The following SACS variants were observed in gnomAD, a reference collection of about 807,000 sequenced individuals.
SACS encodes sacsin molecular chaperone, also known as sacsin.
Under a neutral mutation model 348.0 loss-of-function variants are expected in SACS, and 197 were observed. That is an observed-to-expected ratio of 0.57 (90% CI 0.50 to 0.64). The LOEUF is 0.64. Among genes scored for constraint, SACS ranks in the 30% least tolerant of loss-of-function variants. The pLI, the probability that SACS is intolerant of heterozygous loss-of-function variation, is 0.00. For synonymous variants in SACS, 1,985 were observed against 1,910.6 expected (o/e 1.04, Z -1.02); for missense variants, 4,999 against 5,360.8 (o/e 0.93, Z 2.11).
chr13:23,338,160 C>G lies in SACS; in HGVS notation c.5716G>C (p.Gly1906Arg). 1 of 1,614,128 alleles carries G rather than the reference C, an allele frequency of 6.2e-7. No individual in the cohort carries two copies. The highest frequency in any genetic ancestry group is 8.5e-7 in the Non-Finnish European group (1 of 1,180,002). ...CTCATGAACGTGGTATTCCATCGTC[C>G]TTTTGTATCTGTTTTCCAGATTTCT... ...RKEIWKTDTK[G>R]RWNTTFMRHV... is the part of the protein sequence containing the mutation. The change falls in exon 10 of 10, where the codon GGA becomes CGA. Residue 1906 changes from glycine (G) to arginine (R), a missense_variant. By Grantham distance (125) the Gly-to-Arg change is moderately radical. This residue lies in a region of SACS where 3,156 missense variants were observed against 3,380.1 expected (regional missense o/e 0.93). Coordinates refer to ENST00000382292, the MANE Select transcript of SACS (RefSeq NM_014363.6).
intron 2 of SACS, among the ~76,000 whole-genome samples, chr13:23,395,017 G>C (rs1872656769): frequency 6.6e-6 from 1 of 152,164 alleles, no homozygotes; most frequent in Non-Finnish European, 1.5e-5. Context: ...CAGTGCTCCA[G>C]GTAAAGACAG....
intron 1 of SACS, chr13:23,428,755 A>G (rs1239169255): frequency 6.6e-6 from 1 of 152,222 alleles, no homozygotes; most frequent in African/African-American, 2.4e-5. Flanking sequence ...TCTGTGTCAT[A>G]CAAATCTTTC....
chr13:23,414,610 G>C (rs958764930), intron 1 of SACS, among the ~76,000 whole-genome samples: 5 of 152,156 alleles, frequency 3.3e-5, no homozygotes, highest in African/African-American at 1.2e-4. Context: ...CATATCACCA[G>C]GCGTGTTTGA....
In SACS at chr13:23,336,348, C is replaced by T. The variant is rs111920492; in HGVS notation, c.7528G>A (p.Ala2510Thr). 2.0e-3 allele frequency: 3,204 copies of T among 1,614,096 alleles called. 4 individuals are homozygous for T. The highest frequency in any genetic ancestry group is 2.5e-3 in the Non-Finnish European group (2,932 of 1,179,952). The change falls in exon 10 of 10, where the codon GCA (alanine) becomes ACA (threonine). Residue 2510 changes from alanine (A) to threonine (T), a missense_variant. Physicochemically the swap from Ala to Thr is moderately conservative, Grantham distance 58. Around this residue, in one of 6 missense-constraint regions of SACS, gnomAD observed 3,156 missense variants for 3,380.1 expected, o/e 0.93. Coordinates refer to ENST00000382292, the MANE Select transcript of SACS (RefSeq NM_014363.6). ...AGTGTTGTAAAACAGACATTGGATGCATATCTTTCTAAGGCTTTGTGTCGC... is the reference window on the plus strand; with the variant it reads ...AGTGTTGTAAAACAGACATTGGATGTATATCTTTCTAAGGCTTTGTGTCGC... The part of the protein sequence containing the change: ...PKRHKALERY[A>T]SNVCFTTLGT...
Position 23,390,028 on chromosome 13 carries a change from G to GTT in SACS, c.21-14761_21-14760dup, listed in dbSNP as rs34887662. 4.0e-5 allele frequency among the ~76,000 whole-genome samples: 6 copies of GTT among 151,718 alleles called. No homozygotes were observed. In the South Asian group the frequency reaches 8.3e-4, roughly 21 times the overall value. The stretch of plus-strand genomic sequence containing the variant: ...TTTCTACAAATTTTCAATGGATTTG[G>GTT]TTTTTTTTCTATTCACTCTACAAGG... On this transcript the variant is annotated intron_variant, in intron 2 of 9. Transcript: ENST00000382292.
At chr13:23,365,860 G>A (rs770919414) in intron 5 of SACS, among the ~76,000 whole-genome samples, 5 of 152,122 alleles carry the variant, frequency 3.3e-5, no homozygotes, top group Non-Finnish European at 7.4e-5. Flanking sequence ...CTTTCATCAA[G>A]AAGAAAGCAC....
At chr13:23,415,102 G>T (rs773522011) in intron 1 of SACS, among the ~76,000 whole-genome samples, 2 of 151,984 alleles carry the variant, frequency 1.3e-5, no homozygotes, top group Non-Finnish European at 2.9e-5. Flanking sequence ...CACTATCTTG[G>T]CTCACTGCAA....
intron 1 of SACS, among the ~76,000 whole-genome samples, chr13:23,412,722 T>C (rs1020969869): frequency 6.6e-6 from 1 of 152,024 alleles, no homozygotes; most frequent in East Asian, 1.9e-4. Context: ...GACCCAAACC[T>C]ACAACTTTAT....
At chr13:23,413,497 T>C (rs1183205060) in intron 1 of SACS, among the ~76,000 whole-genome samples, 1 of 152,162 alleles carries the variant, frequency 6.6e-6, no homozygotes, top group Non-Finnish European at 1.5e-5. Context: ...CAGGAGGGGA[T>C]GGACTGGAAA....
At chr13:23,408,342 T>TG (rs1192214927) in intron 2 of SACS, among the ~76,000 whole-genome samples, 2 of 152,196 alleles carry the variant, frequency 1.3e-5, no homozygotes, top group Admixed American at 1.3e-4. Context: ...TAACATATTC[T>TG]GAGGCTCCAA....
At chr13:23,429,345 A>AATT (rs1874330416) in intron 1 of SACS, among the ~76,000 whole-genome samples, 1 of 51,466 alleles carries the variant, frequency 1.9e-5, no homozygotes, top group Non-Finnish European at 3.5e-5. Flanking sequence ...TGAGGTAGGG[A>AATT]TTTTTTTTTT....
intron 2 of SACS, among the ~76,000 whole-genome samples, chr13:23,386,683 C>A (rs186722752): frequency 2.7e-4 from 41 of 152,330 alleles, no homozygotes; most frequent in African/African-American, 9.6e-4. Flanking sequence ...TCACAAGAGG[C>A]CTGGCTTTCC....
rs1164280218 is a variant in SACS at position 23,355,925 on chromosome 13, T to C, written c.687A>G (p.Gln229=). ...TGCTGTCATCTTTGAGATTCCAACA[T>C]TGGCCTGATTCATGTGGGCCAAAAA... ...QTLFGPHESG[Q]CWNLKDDSKE... is the part of the protein sequence containing the mutation. The change falls in exon 8 of 10, where the codon CAA becomes CAG. Residue 229 remains glutamine (Q), a synonymous_variant. Transcript: ENST00000382292. 3 of 1,614,158 alleles carry C rather than the reference T, an allele frequency of 1.9e-6. No homozygotes were observed. The highest frequency in any genetic ancestry group is 1.1e-5 in the South Asian group (1 of 91,084).
At chr13:23,412,941 G>C (rs1441708254) in intron 1 of SACS, among the ~76,000 whole-genome samples, 1 of 152,100 alleles carries the variant, frequency 6.6e-6, no homozygotes, top group East Asian at 1.9e-4. Flanking sequence ...GGCACAATCT[G>C]GGCTAACCCA....
At chr13:23,353,956 G>A in intron 8 of SACS, 80 bp from the exon 9 acceptor site, 1 of 867,288 alleles carries the variant, frequency 1.2e-6, no homozygotes, top group Non-Finnish European at 2.0e-6. Context: ...ATATTTTCAA[G>A]TCAGTTAAGC....
intron 2 of SACS, among the ~76,000 whole-genome samples, chr13:23,392,151 T>C (rs1872551772): frequency 6.6e-6 from 1 of 152,200 alleles, no homozygotes; most frequent in Non-Finnish European, 1.5e-5. Flanking sequence ...TGTTGCCTTT[T>C]GATGACTCTT....
rs775499956 is a variant in SACS, at chr13:23,338,082, C to T, written c.5794G>A (p.Ala1932Thr). Reference sequence around the variant, plus strand: ...TAATCCATTAGCTCCCCACTAGTGGCCAGGTCCCGTAAGACACTCAGTACC... The same window carrying T: ...TAATCCATTAGCTCCCCACTAGTGGTCAGGTCCCGTAAGACACTCAGTACC... ...LQVLSVLRDL[A>T]TSGELMDYTY... The change falls in exon 10 of 10, where the codon GCC (alanine) becomes ACC (threonine). Residue 1932 changes from alanine (A) to threonine (T), a missense_variant. Around this residue, in one of 6 missense-constraint regions of SACS, gnomAD observed 3,156 missense variants for 3,380.1 expected, o/e 0.93. Transcript: ENST00000382292. 8.1e-6 allele frequency: 13 copies of T among 1,613,944 alleles called. No homozygotes were observed. Among genetic ancestry groups the T allele is most frequent in the Middle Eastern group, 1.6e-4 (1 of 6,062 alleles).
Position 23,330,466 on chromosome 13 carries a change from A to G in SACS, c.13410T>C (p.Asn4470=). Residue 4470 remains asparagine, a synonymous_variant, in exon 10 of 10, where the codon AAT becomes AAC. Transcript: ENST00000382292. ...GGTAACATTTAAAGCACACCCACTC[A>G]TTGGCATTTTTATGAAGGTCATTCC... ...AARNDLHKNA[N]EWVCFKCYLS... The G allele has an allele frequency of 1.2e-6, 2 of 1,614,194 alleles. No individual in the cohort carries two copies. The highest frequency in any genetic ancestry group is 2.2e-5 in the East Asian group (1 of 44,890).
At position 23,329,855 on chromosome 13, in the gene SACS, G is replaced by A; in HGVS notation, c.*281C>T. On this transcript the variant is annotated 3_prime_UTR_variant, in exon 10 of 10. Transcript: ENST00000382292. ...AGACTCTTATCTAACAAACTGCTAA[G>A]CTTTGGTTATATAAAGTGCAGTTCA... The A allele has an allele frequency of 3.9e-6, 2 of 511,160 alleles. No homozygotes were observed. 31.7% of individuals were successfully genotyped at this position (511,160 alleles called of 1,614,324 possible).
Sources: allele counts gnomAD v4.1 joint callset (sites outside exome capture counted in the v4.1 genomes callset), GRCh38; gene constraint gnomAD v4.1.1; regional missense constraint gnomAD v4.1.1; transcripts MANE v1.5; gene names NCBI Gene and HGNC (gene_info 2026-07-23, HGNC 2026-07-21).